The following LARS2 variants were observed in gnomAD, a reference collection of about 807,000 sequenced individuals.
LARS2 encodes the protein leucyl-tRNA synthetase 2, mitochondrial.
A neutral mutation model predicts 116.6 loss-of-function variants in LARS2; 81 were observed. The ratio of observed to expected loss-of-function variants is 0.69; its 90% CI spans 0.58 to 0.84. The LOEUF (loss-of-function observed/expected upper bound fraction) is 0.84. Ranked by LOEUF, LARS2 falls within the 40% of genes least tolerant of loss-of-function variation. The probability of loss-of-function intolerance (pLI) is 0.00; values close to 1 mark genes in which losing one functional copy is unlikely to be tolerated. For missense variants in LARS2, 968 were observed against 1,114.5 expected, an observed-to-expected ratio of 0.87 and a Z score of 1.87; for synonymous variants, 396 against 407.2, an observed-to-expected ratio of 0.97 and a Z score of 0.33.
intron 19 of LARS2, 107 bp from the exon 20 acceptor site, chr3:45,523,887 GGTT>G: frequency 1.4e-6 from 1 of 724,144 alleles, no homozygotes; most frequent in Non-Finnish European, 2.4e-6. Flanking sequence ...TGGCAAAGGG[GGTT>G]TCTTCCTACC....
At chr3:45,413,769 A>G (rs530352671) in intron 4 of LARS2, among the ~76,000 whole-genome samples, 28 of 152,204 alleles carry the variant, frequency 1.8e-4, no homozygotes, top group Non-Finnish European at 3.7e-4. Flanking sequence ...CAACCACTGG[A>G]AGGGGTATGC....
intron 20 of LARS2, 183 bp from the exon 21 acceptor site, chr3:45,541,646 C>T: frequency 1.6e-6 from 1 of 624,236 alleles, no homozygotes; most frequent in Non-Finnish European, 2.7e-6. Context: ...ACAAAAGCTA[C>T]CCAACAACCT....
chr3:45,458,459 A>G (rs1382697984), intron 7 of LARS2, among the ~76,000 whole-genome samples: 1 of 152,132 alleles, frequency 6.6e-6, no homozygotes, highest in African/African-American at 2.4e-5. Flanking sequence ...TTGGGAGGCC[A>G]AAACGGGTGG....
rs1213550131 is a variant in LARS2 at position 45,394,642 on chromosome 3, G to C, written c.189G>C (p.Trp63Cys). Residue 63 changes from tryptophan (W) to cysteine (C), a missense_variant, in exon 3 of 22, where the codon TGG (tryptophan) becomes TGC (cysteine). Physicochemically the swap from Trp to Cys is radical, Grantham distance 215. Transcript: ENST00000645846. ...LQTRKDVEKW[W>C]HQRIKEQASK... is the part of the protein sequence containing the mutation. ...CAAGAAAGGATGTTGAGAAATGGTG[G>C]CATCAACGAATAAAAGAACAGGCCT... The C allele has an allele frequency of 6.2e-7, 1 of 1,614,148 alleles. No individual in the cohort carries two copies. The highest frequency in any genetic ancestry group is 8.5e-7 in the Non-Finnish European group (1 of 1,179,988).
At chr3:45,436,006 A>G (rs1698794808) in intron 6 of LARS2, among the ~76,000 whole-genome samples, 1 of 152,186 alleles carries the variant, frequency 6.6e-6, no homozygotes, top group African/African-American at 2.4e-5. Flanking sequence ...TGGACTCTCA[A>G]AATGATTTTC....
intron 20 of LARS2, among the ~76,000 whole-genome samples, chr3:45,540,746 G>GTCTGTCTA (rs763247398): frequency 0.01 from 1,553 of 149,176 alleles, 12 homozygotes; most frequent in East Asian, 0.02. Flanking sequence ...GTATCTATCT[G>GTCTGTCTA]TCTATCTATC....
chr3:45,514,429 A>T (rs1442792520), intron 16 of LARS2, among the ~76,000 whole-genome samples: 1 of 152,186 alleles, frequency 6.6e-6, no homozygotes, highest in Non-Finnish European at 1.5e-5. Context: ...TCAAAGCAAA[A>T]TATATCAAGG....
At chr3:45,389,436 G>T (rs752043511) in intron 1 of LARS2, among the ~76,000 whole-genome samples, 3 of 152,184 alleles carry the variant, frequency 2.0e-5, no homozygotes, top group Non-Finnish European at 4.4e-5. Flanking sequence ...CGCCTCTTCC[G>T]TGAAAGGGAA....
intron 8 of LARS2, among the ~76,000 whole-genome samples, chr3:45,466,244 G>A (rs141289638): frequency 3.4e-4 from 52 of 152,260 alleles, no homozygotes; most frequent in Non-Finnish European, 7.1e-4. Context: ...GGACTCCATG[G>A]GAAGAGATGT....
At chr3:45,484,817 A>G (rs1042656795) in intron 10 of LARS2, among the ~76,000 whole-genome samples, 1 of 150,188 alleles carries the variant, frequency 6.7e-6, no homozygotes, top group African/African-American at 2.5e-5. Context: ...ATAACTTTTT[A>G]TTTTTCCTAG....
At chr3:45,407,410 G>A (rs1224062949) in intron 4 of LARS2, among the ~76,000 whole-genome samples, 2 of 152,132 alleles carry the variant, frequency 1.3e-5, no homozygotes, top group African/African-American at 4.8e-5. Flanking sequence ...AGGAGAGAAC[G>A]AACTGCTGGT....
rs537091318 is a variant in LARS2 at position 45,499,472 on chromosome 3, A to T, written c.1623-970A>T. ...GAAAATTAAAAAAAAAAAAGAAAAAATTAGCTGGGCAGAGTGGTGTGTGTC... is the reference window on the plus strand; with the variant it reads ...GAAAATTAAAAAAAAAAAAGAAAAATTTAGCTGGGCAGAGTGGTGTGTGTC... On this transcript the variant is annotated intron_variant, in intron 14 of 21. Transcript: ENST00000645846. Among the ~76,000 whole-genome samples the T allele has an allele frequency of 4.6e-5, 7 of 151,994 alleles. No homozygotes were observed. In the South Asian group the frequency reaches 1.0e-3, roughly 23 times the overall value.
In LARS2 at chr3:45,430,029, T is replaced by TTTTTTTTTTTTTG. The variant is rs1553629354; in HGVS notation, c.516+10300_516+10301insTTTTTTTTTTTTG. Among the ~76,000 whole-genome samples, 172 of 138,840 alleles carry TTTTTTTTTTTTTG rather than the reference T, an allele frequency of 1.2e-3. 14 individuals carry two copies. Among genetic ancestry groups the TTTTTTTTTTTTTG allele is most frequent in the African/African-American group, 4.6e-3 (162 of 35,246 alleles). 91.1% of individuals were successfully genotyped at this position (138,840 alleles called of 152,430 possible). A position where few individuals can be genotyped will look rare whatever the true frequency, so the allele number is the denominator to read the frequency against. ...TTTTTTTTTTTTTTTTTTTTTTTTTTGAGACAGAGTCTTGCTCTGTCGCCC... is the reference window on the plus strand; with the variant it reads ...TTTTTTTTTTTTTTTTTTTTTTTTTTTTTTTTTTTTTTGGAGACAGAGTCTTGCTCTGTCGCCC... On this transcript the variant is annotated intron_variant, in intron 6 of 21. Coordinates refer to ENST00000645846, the MANE Select transcript of LARS2 (RefSeq NM_015340.4).
At chr3:45,526,956 C>T (rs1358996225) in intron 20 of LARS2, among the ~76,000 whole-genome samples, 1 of 152,186 alleles carries the variant, frequency 6.6e-6, no homozygotes, top group African/African-American at 2.4e-5. Flanking sequence ...TTCAATTCAG[C>T]ATGAACGTAG....
chr3:45,532,728 G>A (rs1417694816), intron 20 of LARS2, among the ~76,000 whole-genome samples: 3 of 152,026 alleles, frequency 2.0e-5, no homozygotes, highest in African/African-American at 7.3e-5. Flanking sequence ...TGCAACTTCC[G>A]CCTCCCGGGT....
At chr3:45,512,199 T>C (rs1383538357) in intron 15 of LARS2, among the ~76,000 whole-genome samples, 2 of 152,202 alleles carry the variant, frequency 1.3e-5, no homozygotes, top group African/African-American at 2.4e-5. Flanking sequence ...GTACTGGTGA[T>C]GTTTGTGGGG....
At chr3:45,394,739 G>A (rs1396008467) in intron 3 of LARS2, 52 bp downstream of exon 3, 2 of 1,289,732 alleles carry the variant, frequency 1.6e-6, no homozygotes, top group South Asian at 1.2e-5. Flanking sequence ...TTGAAGGTTT[G>A]GACCCTGGGG....
At chr3:45,430,071 G>A (rs545628958) in intron 6 of LARS2, among the ~76,000 whole-genome samples, 1 of 126,050 alleles carries the variant, frequency 7.9e-6, no homozygotes, top group East Asian at 2.6e-4. Context: ...GAGTGTAGTG[G>A]CGCGATCTCG....
chr3:45,441,211 G>C (rs1698903940), intron 6 of LARS2, among the ~76,000 whole-genome samples: 2 of 152,058 alleles, frequency 1.3e-5, no homozygotes, highest in Admixed American at 6.6e-5. Context: ...TTTTAGTAGA[G>C]ACATGGTTTC....
Sources: allele counts gnomAD v4.1 joint callset (sites outside exome capture counted in the v4.1 genomes callset), GRCh38; gene constraint gnomAD v4.1.1; transcripts MANE v1.5; gene names NCBI Gene and HGNC (gene_info 2026-07-23, HGNC 2026-07-21).